ASPH: variants seen among roughly 807,000 people sequenced by gnomAD.
ASPH encodes the protein aspartate beta-hydroxylase, also known as aspartyl/asparaginyl beta-hydroxylase.
Under a neutral mutation model 118.4 loss-of-function variants are expected in ASPH, and 100 were observed. That is an observed-to-expected ratio of 0.84 (90% CI 0.72 to 1.00). The LOEUF (loss-of-function observed/expected upper bound fraction) is 1.00, where lower values mean the gene tolerates loss of function less well. Among genes scored for constraint, ASPH ranks in the 50% least tolerant of loss-of-function variants. The pLI, the probability that ASPH is intolerant of heterozygous loss-of-function variation, is 0.00. For missense variants in ASPH, 920 were observed against 919.5 expected (o/e 1.00, Z -0.01); for synonymous variants, 315 against 325.6 (o/e 0.97, Z 0.35).
At chr8:61,700,797 C>G (rs938324653) in intron 1 of ASPH, among the ~76,000 whole-genome samples, 2 of 152,220 alleles carry the variant, frequency 1.3e-5, no homozygotes, top group African/African-American at 4.8e-5. Context: ...ACCTATTCAT[C>G]CCTTTACATC....
At chr8:61,550,122 A>C (rs1451605702) in intron 20 of ASPH, among the ~76,000 whole-genome samples, 1 of 152,172 alleles carries the variant, frequency 6.6e-6, no homozygotes, top group African/African-American at 2.4e-5. Context: ...CACCTTTAAT[A>C]ATATGTGACA....
At chr8:61,662,409 G>T (rs564930771) in intron 3 of ASPH, among the ~76,000 whole-genome samples, 74 of 152,208 alleles carry the variant, frequency 4.9e-4, no homozygotes, top group Admixed American at 1.7e-3. Context: ...CTAGTATTGT[G>T]AATTTTTTGT....
At chr8:61,584,169 T>G in intron 14 of ASPH, 140 bp from the exon 15 acceptor site, 1 of 573,296 alleles carries the variant, frequency 1.7e-6, no homozygotes, top group South Asian at 2.1e-5. Flanking sequence ...CAGGCTCGCC[T>G]TCCATTTCCT....
intron 14 of ASPH, among the ~76,000 whole-genome samples, chr8:61,595,839 A>C (rs1842365060): frequency 6.6e-6 from 1 of 152,090 alleles, no homozygotes; most frequent in Non-Finnish European, 1.5e-5. Context: ...GTTTACTGCC[A>C]TAGCTGTTGG....
chr8:61,676,378 GA>G, intron 3 of ASPH: 1 of 1,449,720 alleles, frequency 6.9e-7, no homozygotes, highest in African/African-American at 1.4e-5. Context: ...GTGGAAAAAA[GA>G]AGTGGAGGAA....
chr8:61,544,366 T>C (rs964387152), intron 21 of ASPH, among the ~76,000 whole-genome samples: 1 of 152,248 alleles, frequency 6.6e-6, no homozygotes, highest in African/African-American at 2.4e-5. Context: ...CCCTCTGCCA[T>C]TCTGATGTTC....
chr8:61,652,881 GT>G (rs1811758488), intron 4 of ASPH, among the ~76,000 whole-genome samples: 1 of 152,190 alleles, frequency 6.6e-6, no homozygotes, highest in South Asian at 2.1e-4. Flanking sequence ...TCAGCACACA[GT>G]GAAAAAATCA....
At chr8:61,512,767 CTG>C (rs1244956371) in intron 24 of ASPH, among the ~76,000 whole-genome samples, 2 of 152,148 alleles carry the variant, frequency 1.3e-5, no homozygotes, top group Non-Finnish European at 2.9e-5. Flanking sequence ...GTGCTTAGAG[CTG>C]TGTTTGACAC....
At chr8:61,690,492 C>T (rs1034752807) in intron 1 of ASPH, among the ~76,000 whole-genome samples, 12 of 151,928 alleles carry the variant, frequency 7.9e-5, no homozygotes, top group Admixed American at 2.6e-4. Flanking sequence ...GATTACACAA[C>T]CACATTCTGA....
In ASPH at chr8:61,651,674, C is replaced by G. The variant is rs528255920; in HGVS notation, c.416-550G>C. On this transcript the variant is annotated intron_variant, in intron 4 of 24. Transcript: ENST00000379454. ...TTGTCAGGAAGTGTCAGTAGAAAAC[C>G]TTACATTGTAACTGACAATCCTTTC... Among the ~76,000 whole-genome samples, 10 of 152,314 alleles carry G rather than the reference C, an allele frequency of 6.6e-5. No individual in the cohort carries two copies. In the South Asian group the frequency reaches 1.9e-3, roughly 28 times the overall value.
At chr8:61,639,611 G>A (rs920848627) in intron 10 of ASPH, among the ~76,000 whole-genome samples, 1 of 152,064 alleles carries the variant, frequency 6.6e-6, no homozygotes, top group Non-Finnish European at 1.5e-5. Context: ...ACCACCTCAT[G>A]TCTCCCTCAA....
chr8:61,517,629 G>A lies in ASPH; in HGVS notation c.2025C>T (p.His675=), dbSNP rs149186983. 888 of 1,614,106 alleles carry A rather than the reference G, an allele frequency of 5.5e-4. 14 individuals are homozygous for A. In the South Asian group the frequency reaches 8.8e-3, roughly 16 times the overall value. The change falls in exon 24 of 25, where the codon CAC becomes CAT. Residue 675 remains histidine, a synonymous_variant. Transcript: ENST00000379454. ...IKYSIMHPGT[H]VWPHTGPTNC... ...TTGTGGGCCCTGTGTGCGGCCACAC[G>A]TGAGTCCCGGGGTGCATGATGGAAT... is the stretch of plus-strand genomic sequence containing the variant.
intron 14 of ASPH, among the ~76,000 whole-genome samples, chr8:61,588,765 G>A (rs1214914977): frequency 2.6e-5 from 4 of 151,970 alleles, no homozygotes; most frequent in South Asian, 2.1e-4. Flanking sequence ...TCCTAATTAC[G>A]GACCCAAGAA....
intron 24 of ASPH, among the ~76,000 whole-genome samples, chr8:61,513,683 A>G (rs1417723969): frequency 6.6e-6 from 1 of 152,160 alleles, no homozygotes; most frequent in African/African-American, 2.4e-5. Context: ...TCTGCAAATT[A>G]TTATTATCAG....
At chr8:61,710,233 G>C (rs888883324) in intron 1 of ASPH, among the ~76,000 whole-genome samples, 1 of 152,180 alleles carries the variant, frequency 6.6e-6, no homozygotes. Context: ...TCTTGGTTCT[G>C]ATTCTTACAC....
chr8:61,507,207 T>C (rs1806951881), intron 24 of ASPH, among the ~76,000 whole-genome samples: 1 of 152,186 alleles, frequency 6.6e-6, no homozygotes, highest in African/African-American at 2.4e-5. Flanking sequence ...TCAGTGCATA[T>C]AAAAGTAGAA....
At chr8:61,625,256 G>C (rs1439425119) in intron 13 of ASPH, 2 of 985,626 alleles carry the variant, frequency 2.0e-6, no homozygotes, top group Non-Finnish European at 2.4e-6. Context: ...AGTGTAGAAA[G>C]AAAAAGGCTC....
At chr8:61,613,567 T>A (rs1053935911) in intron 14 of ASPH, among the ~76,000 whole-genome samples, 1 of 152,158 alleles carries the variant, frequency 6.6e-6, no homozygotes, top group Non-Finnish European at 1.5e-5. Flanking sequence ...TAATAAAAAA[T>A]CTGTAAGCAC....
At chr8:61,615,279 G>A (rs1346799549) in intron 14 of ASPH, among the ~76,000 whole-genome samples, 1 of 152,110 alleles carries the variant, frequency 6.6e-6, no homozygotes, top group Admixed American at 6.5e-5. Flanking sequence ...AGACGCCGGT[G>A]CAACTCCTGC....
Sources: gnomAD v4.1 joint callset for allele counts (sites outside exome capture counted in the v4.1 genomes callset) on GRCh38, gnomAD v4.1.1 for gene constraint, MANE v1.5 for transcripts, NCBI Gene and HGNC (gene_info 2026-07-23, HGNC 2026-07-21) for gene names.